Variants in TOX2 observed in about 807,000 individuals in gnomAD.
The protein encoded by TOX2 is TOX high mobility group box family member 2.
Under a neutral mutation model 47.4 loss-of-function variants are expected in TOX2, and 15 were observed. That is an observed-to-expected ratio of 0.32 (90% confidence interval 0.21 to 0.49). The LOEUF (loss-of-function observed/expected upper bound fraction) is 0.49, where lower values mean the gene tolerates loss of function less well. Among genes scored for constraint, TOX2 ranks in the 20% least tolerant of loss-of-function variants. TOX2 has a pLI of 0.99. For synonymous variants in TOX2, 290 were observed against 296.6 expected, an observed-to-expected ratio of 0.98 and a Z score of 0.23; for missense variants, 622 against 673.1, an observed-to-expected ratio of 0.92 and a Z score of 0.84.
intron 1 of TOX2, among the ~76,000 whole-genome samples, chr20:43,924,268 A>C (rs180947312): frequency 6.6e-6 from 1 of 152,328 alleles, no homozygotes; most frequent in African/African-American, 2.4e-5. Context: ...TGTCTCATGA[A>C]GTGAGAGAGA....
intron 1 of TOX2, among the ~76,000 whole-genome samples, chr20:43,940,485 A>G (rs1350259058): frequency 2.6e-5 from 4 of 151,916 alleles, no homozygotes; most frequent in Non-Finnish European, 5.9e-5. Flanking sequence ...CGGCCTCACA[A>G]ATTGCTGGGA....
At chr20:43,986,007 C>G (rs1392528157) in intron 2 of TOX2, among the ~76,000 whole-genome samples, 1 of 152,114 alleles carries the variant, frequency 6.6e-6, no homozygotes, top group African/African-American at 2.4e-5. Context: ...TCTTATAAGT[C>G]CCCTGAAGAA....
At chr20:43,929,103 G>A (rs2069218885) in intron 1 of TOX2, among the ~76,000 whole-genome samples, 1 of 151,920 alleles carries the variant, frequency 6.6e-6, no homozygotes, top group African/African-American at 2.4e-5. Flanking sequence ...AGGTTGCAGT[G>A]AGCTGAGATC....
intron 3 of TOX2, 71 bp from the exon 4 acceptor site, chr20:44,051,235 C>T (rs542381016): frequency 4.1e-5 from 63 of 1,529,842 alleles, no homozygotes; most frequent in Admixed American, 1.4e-4. Flanking sequence ...CCTCTAAGTC[C>T]GCTAGCACAG....
chr20:43,998,864 A>T (rs1423719679), intron 2 of TOX2, among the ~76,000 whole-genome samples: 1 of 152,052 alleles, frequency 6.6e-6, no homozygotes, highest in Non-Finnish European at 1.5e-5. Context: ...GGTTCAAGGG[A>T]TTCTCCTGTC....
intron 2 of TOX2, among the ~76,000 whole-genome samples, chr20:43,984,693 T>C (rs928459483): frequency 6.6e-6 from 1 of 152,206 alleles, no homozygotes; most frequent in Non-Finnish European, 1.5e-5. Flanking sequence ...CATAAAGATA[T>C]TTTTCATACA....
At chr20:44,039,358 G>C in intron 3 of TOX2, 1 of 1,253,190 alleles carries the variant, frequency 8.0e-7, no homozygotes, top group South Asian at 1.3e-5. Context: ...TCCTCATGGA[G>C]CATTTTACAT....
chr20:43,938,823 C>T (rs753957655), intron 1 of TOX2, among the ~76,000 whole-genome samples: 13 of 152,198 alleles, frequency 8.5e-5, no homozygotes, highest in African/African-American at 1.7e-4. Context: ...TGGTCTGTGA[C>T]GCCTGCCCCC....
At chr20:44,050,817 A>G (rs1481599078) in intron 3 of TOX2, among the ~76,000 whole-genome samples, 1 of 152,202 alleles carries the variant, frequency 6.6e-6, no homozygotes, top group African/African-American at 2.4e-5. Context: ...CATTTTACAG[A>G]TGAAGAAACT....
intron 1 of TOX2, among the ~76,000 whole-genome samples, chr20:43,936,814 G>A (rs1600662218): frequency 6.6e-6 from 1 of 152,348 alleles, no homozygotes; most frequent in Middle Eastern, 3.4e-3. Flanking sequence ...CATAAAGAGA[G>A]AGATGATGAG....
rs1233880957 is a variant in TOX2 at position 44,068,932 on chromosome 20, G to T, written c.*246G>T. Reference sequence around the variant, plus strand: ...CCGCCCGCTGACCTGCTTGCTCCAGGGTAACTGTGGACCCTGTCCTCGCCC... The same window carrying T: ...CCGCCCGCTGACCTGCTTGCTCCAGTGTAACTGTGGACCCTGTCCTCGCCC... On this transcript the variant is annotated 3_prime_UTR_variant, in exon 9 of 9. Coordinates refer to ENST00000341197, the MANE Select transcript of TOX2 (RefSeq NM_001098797.2). The T allele has an allele frequency of 1.5e-6, 1 of 665,394 alleles. No individual in the cohort carries two copies. 41.2% of individuals were successfully genotyped at this position (665,394 alleles called of 1,614,324 possible). A position where few individuals can be genotyped will look rare whatever the true frequency, so the allele number is the denominator to read the frequency against.
intron 3 of TOX2, among the ~76,000 whole-genome samples, chr20:44,049,057 A>AAGATCGCGC (rs1422578163): frequency 6.6e-6 from 1 of 152,214 alleles, no homozygotes; most frequent in Non-Finnish European, 1.5e-5. Context: ...GCAGTGAGCC[A>AAGATCGCGC]AGATCGCGCC....
intron 3 of TOX2, among the ~76,000 whole-genome samples, chr20:44,032,262 C>T (rs908130765): frequency 6.6e-6 from 1 of 152,236 alleles, no homozygotes; most frequent in Non-Finnish European, 1.5e-5. Context: ...GGTTTTCCAG[C>T]TCAGCACTAC....
chr20:43,970,171 A>G (rs560791815), intron 1 of TOX2, among the ~76,000 whole-genome samples: 70 of 152,300 alleles, frequency 4.6e-4, no homozygotes, highest in Non-Finnish European at 8.5e-4. Flanking sequence ...AAAAAATCCA[A>G]CAAGGGACTC....
At chr20:44,043,863 T>C (rs1045957150) in intron 3 of TOX2, among the ~76,000 whole-genome samples, 6 of 152,210 alleles carry the variant, frequency 3.9e-5, no homozygotes, top group African/African-American at 1.4e-4. Context: ...TAGACACATA[T>C]ATAGGCAAAC....
intron 2 of TOX2, among the ~76,000 whole-genome samples, chr20:43,996,869 ACT>A (rs2070490427): frequency 6.6e-6 from 1 of 151,980 alleles, no homozygotes; most frequent in South Asian, 2.1e-4. Flanking sequence ...CAACAATGTA[ACT>A]CTCAATACAT....
intron 2 of TOX2, among the ~76,000 whole-genome samples, chr20:43,984,044 C>T (rs533129392): frequency 2.8e-4 from 43 of 152,280 alleles, no homozygotes; most frequent in African/African-American, 1.0e-3. Context: ...TTAATTAAAA[C>T]CTGGGTGAAG....
chr20:43,917,147 A>C (rs139565936), intron 1 of TOX2, among the ~76,000 whole-genome samples: 1 of 152,286 alleles, frequency 6.6e-6, no homozygotes, highest in African/African-American at 2.4e-5. Flanking sequence ...TCTGCTACTC[A>C]GTCCTTCAGG....
At chr20:43,992,173 T>G (rs2070379840) in intron 2 of TOX2, among the ~76,000 whole-genome samples, 1 of 152,046 alleles carries the variant, frequency 6.6e-6, no homozygotes, top group African/African-American at 2.4e-5. Context: ...GGCCCCGCAG[T>G]GGGAGTGTGC....
Sources: allele counts gnomAD v4.1 joint callset (sites outside exome capture counted in the v4.1 genomes callset), GRCh38; gene constraint gnomAD v4.1.1; transcripts MANE v1.5; gene names NCBI Gene and HGNC (gene_info 2026-07-23, HGNC 2026-07-21).